Variants in GNAQ observed in about 807,000 individuals in gnomAD.
The protein encoded by GNAQ is guanine nucleotide-binding protein G(q) subunit alpha.
A neutral mutation model predicts 43.9 loss-of-function variants in GNAQ; 8 were observed. The ratio of observed to expected loss-of-function variants is 0.18; its 90% CI spans 0.11 to 0.33. The LOEUF is 0.33. GNAQ is among the 10% of genes least tolerant of loss of function. GNAQ has a pLI of 1.00. For synonymous variants in GNAQ, 155 were observed against 170.7 expected (o/e 0.91, Z 0.71); for missense variants, 158 against 450.8 (o/e 0.35, Z 5.88).
chr9:77,764,220 C>T (rs1171365013), intron 5 of GNAQ, among the ~76,000 whole-genome samples: 1 of 152,084 alleles, frequency 6.6e-6, no homozygotes. Flanking sequence ...TACTATGAAA[C>T]TCAGGGATCA....
intron 2 of GNAQ, among the ~76,000 whole-genome samples, chr9:77,866,501 G>A (rs537905132): frequency 7.9e-5 from 12 of 152,054 alleles, no homozygotes; most frequent in Non-Finnish European, 1.3e-4. Flanking sequence ...CAGCTAAGAC[G>A]GTTACTTGTG....
In GNAQ at chr9:78,026,366, G is replaced by A. The variant is rs554921849; in HGVS notation, c.136+4734C>T. On this transcript the variant is annotated intron_variant, in intron 1 of 6. Transcript: ENST00000286548. ...GAGCCACAGTTTTGATTTTTATGAG[G>A]GATGTTCCCACTTTGTTCTTCTGAT... Among the ~76,000 whole-genome samples, 10 of 152,136 alleles carry A rather than the reference G, an allele frequency of 6.6e-5. No individual in the cohort carries two copies. In the East Asian group the frequency reaches 1.4e-3, roughly 21 times the overall value.
At chr9:77,877,070 T>C (rs1241092538) in intron 2 of GNAQ, among the ~76,000 whole-genome samples, 1 of 152,206 alleles carries the variant, frequency 6.6e-6, no homozygotes, top group African/African-American at 2.4e-5. Flanking sequence ...TTTGGAGTCA[T>C]TTGAGACTAG....
intron 1 of GNAQ, among the ~76,000 whole-genome samples, chr9:77,981,306 A>G (rs1823365272): frequency 6.6e-6 from 1 of 152,228 alleles, no homozygotes; most frequent in African/African-American, 2.4e-5. Context: ...TTAATCATCA[A>G]AAAAAGAGAG....
intron 5 of GNAQ, among the ~76,000 whole-genome samples, chr9:77,784,526 A>G (rs1048051440): frequency 6.6e-6 from 1 of 152,218 alleles, no homozygotes; most frequent in East Asian, 1.9e-4. Context: ...AACTATGCAG[A>G]TAATATAATT....
rs1235924461 is a variant in GNAQ, at chr9:77,842,509, A to G, written c.322-26739T>C. On this transcript the variant is annotated intron_variant, in intron 2 of 6. Coordinates refer to ENST00000286548, the MANE Select transcript of GNAQ (RefSeq NM_002072.5). ...AATGAAAAACAACATTGTTTTAGAAAAAAGATACTTGTTGAATTCTGATTT... is the reference window on the plus strand; with the variant it reads ...AATGAAAAACAACATTGTTTTAGAAGAAAGATACTTGTTGAATTCTGATTT... Among the ~76,000 whole-genome samples the G allele has an allele frequency of 3.9e-5, 6 of 152,190 alleles. No homozygotes were observed. In the East Asian group the frequency reaches 1.2e-3, roughly 29 times the overall value.
At chr9:77,845,068 T>C (rs1827561284) in intron 2 of GNAQ, among the ~76,000 whole-genome samples, 1 of 152,250 alleles carries the variant, frequency 6.6e-6, no homozygotes, top group Admixed American at 6.5e-5. Flanking sequence ...TGCAAAGTAC[T>C]ACTCTAACAT....
intron 5 of GNAQ, among the ~76,000 whole-genome samples, chr9:77,763,479 G>C (rs1306295301): frequency 1.3e-5 from 2 of 152,156 alleles, no homozygotes; most frequent in Non-Finnish European, 2.9e-5. Flanking sequence ...AATTAATACT[G>C]TATGTGTGAA....
chr9:77,926,477 C>T (rs1829074136), intron 1 of GNAQ, among the ~76,000 whole-genome samples: 1 of 152,126 alleles, frequency 6.6e-6, no homozygotes, highest in Admixed American at 6.5e-5. Flanking sequence ...TGTCTTTTCA[C>T]AGCATAGGGC....
chr9:77,927,256 T>C (rs1180941648), intron 1 of GNAQ, among the ~76,000 whole-genome samples: 3 of 152,234 alleles, frequency 2.0e-5, no homozygotes, highest in Non-Finnish European at 2.9e-5. Context: ...AGTCTGCAAA[T>C]AGTAAAATGA....
At chr9:77,741,919 G>A (rs1825658939) in intron 5 of GNAQ, among the ~76,000 whole-genome samples, 1 of 152,122 alleles carries the variant, frequency 6.6e-6, no homozygotes, top group Non-Finnish European at 1.5e-5. Context: ...TTTGGTTTCT[G>A]TATCTACTAA....
chr9:77,731,747 A>G (rs1483946675), intron 5 of GNAQ, among the ~76,000 whole-genome samples: 1 of 152,174 alleles, frequency 6.6e-6, no homozygotes, highest in Non-Finnish European at 1.5e-5. Flanking sequence ...TGCATTTCTA[A>G]CAAGACCGCA....
At chr9:77,959,913 C>T (rs904115838) in intron 1 of GNAQ, among the ~76,000 whole-genome samples, 1 of 152,146 alleles carries the variant, frequency 6.6e-6, no homozygotes, top group Non-Finnish European at 1.5e-5. Context: ...CATGCGTCAG[C>T]CCCTTGGATT....
intron 5 of GNAQ, among the ~76,000 whole-genome samples, chr9:77,738,792 TATATTAG>T (rs1825609970): frequency 6.6e-6 from 1 of 152,174 alleles, no homozygotes; most frequent in Non-Finnish European, 1.5e-5. Flanking sequence ...CTGCAGCTAC[TATATTAG>T]TGCAGTTTTA....
intron 2 of GNAQ, among the ~76,000 whole-genome samples, chr9:77,858,951 C>T (rs566968761): frequency 3.3e-5 from 5 of 152,056 alleles, no homozygotes; most frequent in Non-Finnish European, 4.4e-5. Context: ...TATTTCCATT[C>T]GTGTCTTTCC....
intron 2 of GNAQ, among the ~76,000 whole-genome samples, chr9:77,879,386 C>A (rs1309164290): frequency 1.3e-5 from 2 of 152,058 alleles, no homozygotes; most frequent in Non-Finnish European, 2.9e-5. Flanking sequence ...GCCTCAGCCT[C>A]CAGTGTAGCT....
At chr9:77,731,300 C>T (rs1194430834) in intron 5 of GNAQ, among the ~76,000 whole-genome samples, 5 of 152,126 alleles carry the variant, frequency 3.3e-5, no homozygotes, top group Non-Finnish European at 5.9e-5. Flanking sequence ...TAACAATTTC[C>T]AGACTGGACT....
chr9:77,842,253 A>T (rs1215960826), intron 2 of GNAQ, among the ~76,000 whole-genome samples: 5 of 152,192 alleles, frequency 3.3e-5, no homozygotes, highest in Admixed American at 3.3e-4. Context: ...TTGCACTGGC[A>T]TGGAAACTAC....
intron 2 of GNAQ, among the ~76,000 whole-genome samples, chr9:77,836,885 G>T (rs998216747): frequency 2.6e-5 from 4 of 152,150 alleles, no homozygotes; most frequent in African/African-American, 9.7e-5. Flanking sequence ...CTGAAGAACA[G>T]GTGGAGTAGA....
Sources: gnomAD v4.1 joint callset for allele counts (sites outside exome capture counted in the v4.1 genomes callset) on GRCh38, gnomAD v4.1.1 for gene constraint, MANE v1.5 for transcripts, NCBI Gene and HGNC (gene_info 2026-07-23, HGNC 2026-07-21) for gene names.